AFF3: variants seen among roughly 807,000 people sequenced by gnomAD.
AFF3 encodes the protein ALF transcription elongation factor 3, also known as AF4/FMR2 family member 3.
A neutral mutation model predicts 129.7 loss-of-function variants in AFF3; 32 were observed. That is an observed-to-expected ratio of 0.25 (90% CI 0.19 to 0.33). The LOEUF (loss-of-function observed/expected upper bound fraction) is 0.33. AFF3 is among the 10% of genes least tolerant of loss of function. The probability of loss-of-function intolerance (pLI) is 1.00; values close to 1 mark genes in which losing one functional copy is unlikely to be tolerated. For missense variants in AFF3, 1,373 were observed against 1,592.0 expected, an observed-to-expected ratio of 0.86 and a Z score of 2.34; for synonymous variants, 644 against 635.4, an observed-to-expected ratio of 1.01 and a Z score of -0.20.
intron 5 of AFF3, 24 bp downstream of exon 5, chr2:100,008,788 G>A (rs1682230259): frequency 1.2e-6 from 2 of 1,610,522 alleles, no homozygotes; most frequent in Non-Finnish European, 1.7e-6. Context: ...GAGAGGTAGA[G>A]ATGAACAACT....
intron 11 of AFF3, among the ~76,000 whole-genome samples, chr2:99,701,622 A>G (rs767068786): frequency 1.7e-4 from 26 of 152,246 alleles, no homozygotes; most frequent in Non-Finnish European, 3.2e-4. Context: ...TGTCGAAACC[A>G]GGAAACTGAC....
chr2:99,735,347 A>G (rs567220945), intron 10 of AFF3, among the ~76,000 whole-genome samples: 2 of 152,028 alleles, frequency 1.3e-5, no homozygotes, highest in South Asian at 4.2e-4. Flanking sequence ...ATTGACATTT[A>G]AAATTTTATC....
intron 11 of AFF3, among the ~76,000 whole-genome samples, chr2:99,686,463 T>TC (rs1675068477): frequency 6.6e-6 from 1 of 152,182 alleles, no homozygotes. Context: ...CTGGAATGGG[T>TC]CTCCTTTCCT....
chr2:100,007,470 G>T lies in AFF3; in HGVS notation c.175-10C>A. The T allele has an allele frequency of 6.2e-7, 1 of 1,605,998 alleles. No individual in the cohort carries two copies. The highest frequency in any genetic ancestry group is 8.5e-7 in the Non-Finnish European group (1 of 1,175,734). ...CATCCCCCTTGTTAGTCTGGAGAAA[G>T]AAAAACACATCCACGCTATTGTTAG... On this transcript the variant is annotated splice_polypyrimidine_tract_variant and intron_variant, in intron 5 of 24. Coordinates refer to ENST00000672756, the MANE Select transcript of AFF3 (RefSeq NM_001386135.1).
chr2:99,728,342 T>G (rs1164883876), intron 10 of AFF3, among the ~76,000 whole-genome samples: 1 of 152,188 alleles, frequency 6.6e-6, no homozygotes, highest in African/African-American at 2.4e-5. Context: ...TAACTTGGTT[T>G]GCTATGCTCT....
At chr2:99,796,871 A>G (rs1188191526) in intron 8 of AFF3, among the ~76,000 whole-genome samples, 1 of 152,210 alleles carries the variant, frequency 6.6e-6, no homozygotes. Flanking sequence ...CATTGGATAG[A>G]GCACTCAAAA....
At chr2:99,731,015 G>A (rs1370811211) in intron 10 of AFF3, among the ~76,000 whole-genome samples, 2 of 152,052 alleles carry the variant, frequency 1.3e-5, no homozygotes, top group Admixed American at 1.3e-4. Context: ...GTGCAGTGGT[G>A]CAATCTTGGC....
chr2:99,625,168 C>T lies in AFF3; in HGVS notation c.1185-23547G>A, dbSNP rs549139115. Among the ~76,000 whole-genome samples, 6 of 152,326 alleles carry T rather than the reference C, an allele frequency of 3.9e-5. No homozygotes were observed. In the East Asian group the frequency reaches 1.2e-3, roughly 29 times the overall value. Reference sequence around the variant, plus strand: ...TATAGATGGTCTTTCAAGATCCTGACATTTTCTTATGCAATTTCCAAGAAA... The same window carrying T: ...TATAGATGGTCTTTCAAGATCCTGATATTTTCTTATGCAATTTCCAAGAAA... On this transcript the variant is annotated intron_variant, in intron 13 of 24. Coordinates refer to ENST00000672756, the MANE Select transcript of AFF3 (RefSeq NM_001386135.1).
chr2:99,702,467 G>C (rs1344614427), intron 11 of AFF3, among the ~76,000 whole-genome samples: 2 of 152,064 alleles, frequency 1.3e-5, no homozygotes, highest in Non-Finnish European at 2.9e-5. Context: ...AGCCTCCTGA[G>C]TAGCTGGGAT....
intron 8 of AFF3, among the ~76,000 whole-genome samples, chr2:99,758,699 A>C (rs1398722593): frequency 6.6e-6 from 1 of 151,980 alleles, no homozygotes; most frequent in Non-Finnish European, 1.5e-5. Context: ...TTTTCAAAAT[A>C]CTTCCCCATG....
intron 13 of AFF3, among the ~76,000 whole-genome samples, chr2:99,616,281 T>G (rs12616127): frequency 0.55 from 82,833 of 151,896 alleles, 22,817 homozygotes; most frequent in African/African-American, 0.62. Flanking sequence ...GCCTCAAACT[T>G]CCATCCTCAT....
intron 4 of AFF3, among the ~76,000 whole-genome samples, chr2:100,036,768 G>A (rs2105007741): frequency 6.6e-6 from 1 of 150,778 alleles, no homozygotes; most frequent in East Asian, 1.9e-4. Context: ...GTTGGGACAT[G>A]AGGTGGGGGT....
At chr2:100,140,402 T>G (rs1321009228) in intron 1 of AFF3, among the ~76,000 whole-genome samples, 1 of 152,216 alleles carries the variant, frequency 6.6e-6, no homozygotes, top group African/African-American at 2.4e-5. Context: ...TCTCTGAAAC[T>G]GGACGTCCTC....
At position 99,547,291 on chromosome 2, in the gene AFF3, T is replaced by C. The variant is rs980916107; in HGVS notation, c.*4183A>G. 1.9e-5 allele frequency: 4 copies of C among 215,146 alleles called. No individual in the cohort carries two copies. Among genetic ancestry groups the C allele is most frequent in the Non-Finnish European group, 2.8e-5 (3 of 106,384 alleles). The allele number at this position is 215,146 out of a possible 1,614,324, so 13.3% of individuals were successfully genotyped here. A position where few individuals can be genotyped will look rare whatever the true frequency, so the allele number is the denominator to read the frequency against. On this transcript the variant is annotated 3_prime_UTR_variant, in exon 25 of 25. Coordinates refer to ENST00000672756, the MANE Select transcript of AFF3 (RefSeq NM_001386135.1). ...TCATTTAATGTAACATTTGCAACCT[T>C]AGAAAGGCAGACATGTTTAATCCAA...
At chr2:99,675,309 A>G (rs1360243572) in intron 11 of AFF3, among the ~76,000 whole-genome samples, 6 of 152,200 alleles carry the variant, frequency 3.9e-5, no homozygotes, top group Admixed American at 3.9e-4. Context: ...TGGAAACACA[A>G]ACTCACACAG....
At chr2:99,694,090 G>T (rs1675939909) in intron 11 of AFF3, among the ~76,000 whole-genome samples, 1 of 152,062 alleles carries the variant, frequency 6.6e-6, no homozygotes, top group African/African-American at 2.4e-5. Context: ...GCTAATTTTT[G>T]TATTTTTAGT....
At chr2:99,739,962 C>T (rs1344312255) in intron 10 of AFF3, among the ~76,000 whole-genome samples, 3 of 112,172 alleles carry the variant, frequency 2.7e-5, no homozygotes, top group African/African-American at 6.9e-5. Context: ...TCCCTCCCCC[C>T]TCCCCCCACC....
chr2:99,922,857 C>G (rs1695948892), intron 7 of AFF3, among the ~76,000 whole-genome samples: 1 of 152,180 alleles, frequency 6.6e-6, no homozygotes, highest in Non-Finnish European at 1.5e-5. Flanking sequence ...TCCAGCCACT[C>G]CTCTGCCAAC....
At chr2:100,084,854 AT>A (rs1689297297) in intron 4 of AFF3, among the ~76,000 whole-genome samples, 1 of 148,990 alleles carries the variant, frequency 6.7e-6, no homozygotes, top group African/African-American at 2.5e-5. Flanking sequence ...TATCTTTATA[AT>A]ATCAAAAGTT....
Sources: gnomAD v4.1 joint callset for allele counts (sites outside exome capture counted in the v4.1 genomes callset) on GRCh38, gnomAD v4.1.1 for gene constraint, MANE v1.5 for transcripts, NCBI Gene and HGNC (gene_info 2026-07-23, HGNC 2026-07-21) for gene names.